The following PDK1 variants were observed in gnomAD, a reference collection of about 807,000 sequenced individuals.
PDK1 encodes the protein [Pyruvate dehydrogenase (acetyl-transferring)] kinase isozyme 1, mitochondrial.
PDK1 carries 39 observed loss-of-function variants against 54.2 expected under a neutral mutation model. The observed-to-expected ratio is 0.72, with a 90% CI of 0.56 to 0.94. PDK1 has a LOEUF of 0.94. Ranked by LOEUF, PDK1 falls within the 40% of genes least tolerant of loss-of-function variation. The probability of loss-of-function intolerance (pLI) is 0.00; values close to 1 mark genes in which losing one functional copy is unlikely to be tolerated. For synonymous variants in PDK1, 221 were observed against 207.1 expected (o/e 1.07, Z -0.58); for missense variants, 552 against 566.0 (o/e 0.98, Z 0.25).
At chr2:172,591,069 G>C (rs1052503283) in intron 9 of PDK1, among the ~76,000 whole-genome samples, 2 of 152,264 alleles carry the variant, frequency 1.3e-5, no homozygotes, top group East Asian at 3.9e-4. Context: ...AAGGGCCAGC[G>C]GGTCAGTCCA....
At chr2:172,610,424 G>A (rs1263962793), downstream of PDK1, among the ~76,000 whole-genome samples, 1 of 151,996 alleles carries the variant, frequency 6.6e-6, no homozygotes, top group African/African-American at 2.4e-5. Flanking sequence ...CATGGTGGGG[G>A]GGCTCCTCCC....
the PDK1 span, among the ~76,000 whole-genome samples, chr2:172,633,218 A>C: frequency 4.9e-5 from 7 of 144,028 alleles, no homozygotes; most frequent in South Asian, 2.1e-4. Context: ...AATTAAAAAA[A>C]ATTTTTTTTT....
chr2:172,709,642 A>G, the PDK1 span, among the ~76,000 whole-genome samples: 1 of 152,218 alleles, frequency 6.6e-6, no homozygotes, highest in African/African-American at 2.4e-5. Context: ...AACAGCAGTC[A>G]CCCAACGGCA....
At chr2:172,586,204 A>G in intron 8 of PDK1, 74 bp from the exon 9 acceptor site, 2 of 787,192 alleles carry the variant, frequency 2.5e-6, no homozygotes, top group Non-Finnish European at 4.4e-6. Context: ...TTAAACTGTG[A>G]TGCTATGAGT....
At chr2:172,581,071 G>A (rs1289089500) in intron 8 of PDK1, among the ~76,000 whole-genome samples, 1 of 151,916 alleles carries the variant, frequency 6.6e-6, no homozygotes, top group Non-Finnish European at 1.5e-5. Flanking sequence ...TACTTTAAGT[G>A]CATTAATTAT....
downstream of PDK1, among the ~76,000 whole-genome samples, chr2:172,609,892 G>A (rs564089662): frequency 8.5e-4 from 129 of 152,216 alleles, no homozygotes; most frequent in African/African-American, 2.8e-3. Flanking sequence ...TGTGATCTCA[G>A]CTCACTGCAA....
chr2:172,629,768 A>G, the PDK1 span, among the ~76,000 whole-genome samples: 1 of 152,164 alleles, frequency 6.6e-6, no homozygotes. Flanking sequence ...GGCAACCCCT[A>G]GGTGCTGCTG....
At chr2:172,580,714 A>T (rs1689857122) in intron 8 of PDK1, among the ~76,000 whole-genome samples, 1 of 152,372 alleles carries the variant, frequency 6.6e-6, no homozygotes, top group Middle Eastern at 3.4e-3. Context: ...AATATCTATC[A>T]GCTAATGAAT....
At chr2:172,707,939 A>T in the PDK1 span, among the ~76,000 whole-genome samples, 1 of 152,236 alleles carries the variant, frequency 6.6e-6, no homozygotes, top group African/African-American at 2.4e-5. Context: ...TCCAACCAGT[A>T]TATAAGAACT....
chr2:172,618,545 G>T, the PDK1 span, among the ~76,000 whole-genome samples: 1 of 152,118 alleles, frequency 6.6e-6, no homozygotes, highest in Non-Finnish European at 1.5e-5. Flanking sequence ...AAGAAGAAAA[G>T]AATAATAGTG....
At position 172,605,229 on chromosome 2, in the gene PDK1, A is replaced by G. The variant is rs2149321135; in HGVS notation, c.*9260A>G. Reference sequence around the variant, plus strand: ...CACAAGAGATAGAACCAAATACCATAATGCCTCCTTCTATTCCACTATGAA... The same window carrying G: ...CACAAGAGATAGAACCAAATACCATGATGCCTCCTTCTATTCCACTATGAA... On this transcript the variant is annotated 3_prime_UTR_variant, in exon 11 of 11. Coordinates refer to ENST00000282077, the MANE Select transcript of PDK1 (RefSeq NM_002610.5). 6.6e-6 allele frequency: 1 copy of G among 152,180 alleles called. No homozygotes were observed. The highest frequency in any genetic ancestry group is 1.9e-4 in the East Asian group (1 of 5,186). 9.4% of individuals were successfully genotyped at this position (152,180 alleles called of 1,614,324 possible).
At chr2:172,556,802 G>T (rs780525180) in intron 1 of PDK1, among the ~76,000 whole-genome samples, 1 of 152,192 alleles carries the variant, frequency 6.6e-6, no homozygotes, top group Non-Finnish European at 1.5e-5. Context: ...AACTGGCCCA[G>T]GGTTTCTTAG....
chr2:172,626,721 C>T, the PDK1 span, among the ~76,000 whole-genome samples: 5 of 151,122 alleles, frequency 3.3e-5, 1 homozygote, highest in African/African-American at 7.3e-5. Context: ...TTGAACCTGG[C>T]GGTTGAGGCT....
chr2:172,712,393 C>A, the PDK1 span, among the ~76,000 whole-genome samples: 1 of 152,224 alleles, frequency 6.6e-6, no homozygotes, highest in African/African-American at 2.4e-5. Flanking sequence ...GCTCTCTTGG[C>A]CTCGCAGGCT....
At chr2:172,649,202 G>A in the PDK1 span, among the ~76,000 whole-genome samples, 3 of 152,180 alleles carry the variant, frequency 2.0e-5, no homozygotes, top group African/African-American at 7.2e-5. Flanking sequence ...AGCTTCTGCT[G>A]GTGATACCCA....
At chr2:172,715,516 G>A in the PDK1 span, among the ~76,000 whole-genome samples, 4 of 152,104 alleles carry the variant, frequency 2.6e-5, no homozygotes, top group South Asian at 4.1e-4. Flanking sequence ...AAAGCCCAGC[G>A]ACACAAAGCC....
At chr2:172,708,468 G>GTTTAAGAGAGTTAAATCATCAACTAT in the PDK1 span, among the ~76,000 whole-genome samples, 9 of 152,162 alleles carry the variant, frequency 5.9e-5, no homozygotes, top group African/African-American at 1.9e-4. Context: ...GTGTGGCTTG[G>GTTTAAGAGAGTTAAATCATCAACTAT]TTTAAGAGAG....
intron 3 of PDK1, chr2:172,564,256 C>G (rs138562473): frequency 1.9e-6 from 1 of 532,666 alleles, no homozygotes; most frequent in Middle Eastern, 3.1e-4. Context: ...TTTGTGGCAG[C>G]CTTACTCTTA....
At chr2:172,716,048 C>T in the PDK1 span, among the ~76,000 whole-genome samples, 1 of 151,976 alleles carries the variant, frequency 6.6e-6, no homozygotes, top group African/African-American at 2.4e-5. Context: ...GAAAAATTGC[C>T]ACAGATTTAT....
Sources: allele counts gnomAD v4.1 joint callset (sites outside exome capture counted in the v4.1 genomes callset), GRCh38; gene constraint gnomAD v4.1.1; transcripts MANE v1.5; gene names NCBI Gene and HGNC (gene_info 2026-07-23, HGNC 2026-07-21).